The following KIRREL3 variants were observed in gnomAD, a reference collection of about 807,000 sequenced individuals.
KIRREL3 encodes the protein kin of IRRE-like protein 3.
Under a neutral mutation model 89.7 loss-of-function variants are expected in KIRREL3, and 36 were observed. That is an observed-to-expected ratio of 0.40 (90% CI 0.31 to 0.53). The LOEUF (loss-of-function observed/expected upper bound fraction) is 0.53, where lower values mean the gene tolerates loss of function less well. Ranked by LOEUF, KIRREL3 falls within the 20% of genes least tolerant of loss-of-function variation. The pLI is 0.49. For missense variants in KIRREL3, 864 were observed against 1,056.6 expected, an observed-to-expected ratio of 0.82 and a Z score of 2.53; for synonymous variants, 445 against 441.4, an observed-to-expected ratio of 1.01 and a Z score of -0.10.
Position 126,716,154 on chromosome 11 carries a change from G to A in KIRREL3, c.56-153242C>T, listed in dbSNP as rs1592009219. Among the ~76,000 whole-genome samples, 2 of 152,004 alleles carry A rather than the reference G, an allele frequency of 1.3e-5. 1 individual carries two copies. Among genetic ancestry groups the A allele is most frequent in the African/African-American group, 4.8e-5 (2 of 41,440 alleles). The stretch of plus-strand genomic sequence containing the variant: ...GAGAAGGAGGAACAGATAGGAGGGA[G>A]CTATGAAAGAAAGAGTAAGGTTAGA... On this transcript the variant is annotated intron_variant, in intron 1 of 16. Coordinates refer to ENST00000525144, the MANE Select transcript of KIRREL3 (RefSeq NM_032531.4).
chr11:126,660,490 C>T (rs1380100647), intron 1 of KIRREL3, among the ~76,000 whole-genome samples: 2 of 152,176 alleles, frequency 1.3e-5, no homozygotes, highest in African/African-American at 4.8e-5. Context: ...TGCACTGCTG[C>T]TTGCTTCCAT....
In KIRREL3 at chr11:126,783,518, A is replaced by C. The variant is rs1431701413; in HGVS notation, c.55+216937T>G. ...TATTCTCTTCCAAAAAAGCCACACT[A>C]ATGAGGGTCTGTCAAAGGGACACAG... On this transcript the variant is annotated intron_variant, in intron 1 of 16. Coordinates refer to ENST00000525144, the MANE Select transcript of KIRREL3 (RefSeq NM_032531.4). This position sits in a 1 kb window ranked among gnomAD's most constrained non-coding sequence, Gnocchi z 4.3. Among the ~76,000 whole-genome samples the C allele has an allele frequency of 2.6e-5, 4 of 152,182 alleles. No individual in the cohort carries two copies. Among genetic ancestry groups the C allele is most frequent in the African/African-American group, 7.2e-5 (3 of 41,420 alleles).
At position 126,441,550 on chromosome 11, in the gene KIRREL3, A is replaced by G. The variant is rs1316394093; in HGVS notation, c.1253-1001T>C. Among the ~76,000 whole-genome samples, 1 of 152,198 alleles carries G rather than the reference A, an allele frequency of 6.6e-6. No individual in the cohort carries two copies. The highest frequency in any genetic ancestry group is 2.4e-5 in the African/African-American group (1 of 41,442). ...CGGAAACTGTCATGCTCCCTTTCCAATCCCTGGGGTCACAGTTGGGACTTA... is the reference window on the plus strand; with the variant it reads ...CGGAAACTGTCATGCTCCCTTTCCAGTCCCTGGGGTCACAGTTGGGACTTA... On this transcript the variant is annotated intron_variant, in intron 10 of 16. Coordinates refer to ENST00000525144, the MANE Select transcript of KIRREL3 (RefSeq NM_032531.4). The surrounding 1 kb of genome is among the most constrained non-coding windows in gnomAD (Gnocchi z 5.0).
At chr11:126,975,864 A>G (rs1234429953) in intron 1 of KIRREL3, among the ~76,000 whole-genome samples, 5 of 148,914 alleles carry the variant, frequency 3.4e-5, no homozygotes, top group South Asian at 2.1e-4. Context: ...CTCATATTAC[A>G]TAATTCCCAG....
rs1306607547 is a variant in KIRREL3, at chr11:126,664,244, T to G, written c.56-101332A>C. On this transcript the variant is annotated intron_variant, in intron 1 of 16. Coordinates refer to ENST00000525144, the MANE Select transcript of KIRREL3 (RefSeq NM_032531.4). This position sits in a 1 kb window ranked among gnomAD's most constrained non-coding sequence, Gnocchi z 5.4. ...TTGCTGGGGCCATTAGCATTTTTTT[T>G]TTTTTTACCATCATTATGATCATCA... Among the ~76,000 whole-genome samples the G allele has an allele frequency of 6.6e-6, 1 of 152,108 alleles. No homozygotes were observed. The highest frequency in any genetic ancestry group is 1.5e-5 in the Non-Finnish European group (1 of 68,024).
intron 2 of KIRREL3, among the ~76,000 whole-genome samples, chr11:126,552,048 A>T (rs1045521124): frequency 6.6e-6 from 1 of 152,224 alleles, no homozygotes; most frequent in Non-Finnish European, 1.5e-5. Flanking sequence ...AAGCAAAGAG[A>T]CAATGTCCTC....
chr11:126,473,191 T>G (rs1591598335), intron 5 of KIRREL3, 118 bp downstream of exon 5: 1 of 257,326 alleles, frequency 3.9e-6, no homozygotes, highest in Non-Finnish European at 5.1e-6. Flanking sequence ...CAGCCCCCGC[T>G]CCTTTAGCCC....
chr11:126,725,560 G>T (rs61897901), intron 1 of KIRREL3, among the ~76,000 whole-genome samples: 9,656 of 152,240 alleles, frequency 0.063, 417 homozygotes, highest in African/African-American at 0.12. Context: ...GGCTGTCCCC[G>T]TTTTCTTCTG....
rs1207626003 is a variant in KIRREL3 at position 126,900,780 on chromosome 11, G to A, written c.55+99675C>T. ...GCAAAGTATTGATTGTATATCTTCA[G>A]GGCTGTTGAGCTCTTTCAGAGTATT... On this transcript the variant is annotated intron_variant, in intron 1 of 16. Coordinates refer to ENST00000525144, the MANE Select transcript of KIRREL3 (RefSeq NM_032531.4). The surrounding 1 kb of genome is among the most constrained non-coding windows in gnomAD (Gnocchi z 4.4). 1.3e-5 allele frequency among the ~76,000 whole-genome samples: 2 copies of A among 152,184 alleles called. No individual in the cohort carries two copies. Among genetic ancestry groups the A allele is most frequent in the Admixed American group, 6.5e-5 (1 of 15,290 alleles).
intron 15 of KIRREL3, among the ~76,000 whole-genome samples, chr11:126,426,810 C>T (rs766092307): frequency 2.0e-5 from 3 of 152,220 alleles, no homozygotes; most frequent in Non-Finnish European, 4.4e-5. Context: ...TGCGGCCACC[C>T]GGCTGCCTCC....
rs1477450140 is a variant in KIRREL3 at position 126,953,535 on chromosome 11, A to G, written c.55+46920T>C. Among the ~76,000 whole-genome samples, 3 of 152,180 alleles carry G rather than the reference A, an allele frequency of 2.0e-5. No homozygotes were observed. The highest frequency in any genetic ancestry group is 7.2e-5 in the African/African-American group (3 of 41,444). On this transcript the variant is annotated intron_variant, in intron 1 of 16. Transcript: ENST00000525144. This position sits in a 1 kb window ranked among gnomAD's most constrained non-coding sequence, Gnocchi z 5.2. The stretch of plus-strand genomic sequence containing the variant: ...ATCTTTTCATAATAAACGTGCTGAT[A>G]GTTCCAAAGAGAAGAGCCTGCAAAA...
chr11:126,943,382 G>A lies in KIRREL3; in HGVS notation c.55+57073C>T, dbSNP rs61905146. ...ATCACAGCATTTCTCTACCCTCCTCGGAACAATCTGATACCATTATCACTG... is the reference window on the plus strand; with the variant it reads ...ATCACAGCATTTCTCTACCCTCCTCAGAACAATCTGATACCATTATCACTG... On this transcript the variant is annotated intron_variant, in intron 1 of 16. Transcript: ENST00000525144. This position sits in a 1 kb window ranked among gnomAD's most constrained non-coding sequence, Gnocchi z 4.2. 0.23 allele frequency among the ~76,000 whole-genome samples: 34,497 copies of A among 151,998 alleles called. 4,575 individuals are homozygous for A. The highest frequency in any genetic ancestry group is 0.65 in the East Asian group (3,330 of 5,154).
intron 1 of KIRREL3, among the ~76,000 whole-genome samples, chr11:126,884,914 T>C (rs1461914328): frequency 6.6e-6 from 1 of 152,138 alleles, no homozygotes; most frequent in East Asian, 1.9e-4. Context: ...AGTCAACACA[T>C]GACAGAGTCT....
At chr11:126,881,210 A>T (rs1031450984) in intron 1 of KIRREL3, among the ~76,000 whole-genome samples, 12 of 152,134 alleles carry the variant, frequency 7.9e-5, no homozygotes, top group African/African-American at 2.9e-4. Context: ...CTGGAATGAA[A>T]CCAAGTGGCA....
chr11:126,913,081 T>G (rs1396884720), intron 1 of KIRREL3, among the ~76,000 whole-genome samples: 1 of 152,200 alleles, frequency 6.6e-6, no homozygotes, highest in African/African-American at 2.4e-5. Flanking sequence ...TACCCAAAGA[T>G]TAGAACGCTG....
At chr11:126,902,976 A>G (rs1946430141) in intron 1 of KIRREL3, among the ~76,000 whole-genome samples, 1 of 152,170 alleles carries the variant, frequency 6.6e-6, no homozygotes, top group African/African-American at 2.4e-5. Flanking sequence ...ACTTCATCTG[A>G]ATAATACTTT....
chr11:126,753,793 G>T (rs1339265348), intron 1 of KIRREL3, among the ~76,000 whole-genome samples: 1 of 152,108 alleles, frequency 6.6e-6, no homozygotes, highest in Admixed American at 6.5e-5. Flanking sequence ...TAGAAAATGG[G>T]AATCATCACA....
chr11:126,922,302 G>A (rs1947383220), intron 1 of KIRREL3, among the ~76,000 whole-genome samples: 1 of 152,044 alleles, frequency 6.6e-6, no homozygotes. Context: ...TCTGTGGTCA[G>A]ATCATCCATT....
At chr11:126,707,157 G>A (rs1947560524) in intron 1 of KIRREL3, among the ~76,000 whole-genome samples, 1 of 151,292 alleles carries the variant, frequency 6.6e-6, no homozygotes, top group Non-Finnish European at 1.5e-5. Context: ...CCTTGCCCAG[G>A]CTGGTCTTGA....
Sources: allele counts gnomAD v4.1 joint callset (sites outside exome capture counted in the v4.1 genomes callset), GRCh38; gene constraint gnomAD v4.1.1; non-coding constraint Gnocchi (gnomAD v3.1); transcripts MANE v1.5; gene names NCBI Gene and HGNC (gene_info 2026-07-23, HGNC 2026-07-21).